KIFAP3: variants seen among roughly 807,000 people sequenced by gnomAD.
KIFAP3 encodes the protein kinesin-associated protein 3.
In KIFAP3, 68 loss-of-function variants were observed where a neutral mutation model predicts 106.5. The ratio of observed to expected loss-of-function variants is 0.64; its 90% CI spans 0.53 to 0.78. The LOEUF is 0.78. Ranked by LOEUF, KIFAP3 falls within the 30% of genes least tolerant of loss-of-function variation. The probability of loss-of-function intolerance (pLI) is 0.00; values close to 1 mark genes in which losing one functional copy is unlikely to be tolerated. For missense variants in KIFAP3, 780 were observed against 941.8 expected (o/e 0.83, Z 2.25); for synonymous variants, 320 against 311.5 (o/e 1.03, Z -0.29).
intron 2 of KIFAP3, among the ~76,000 whole-genome samples, chr1:170,048,572 A>G (rs1188919471): frequency 6.6e-6 from 1 of 151,942 alleles, no homozygotes; most frequent in African/African-American, 2.4e-5. Flanking sequence ...AAACAGCCTC[A>G]GTCTGCAGCT....
intron 16 of KIFAP3, among the ~76,000 whole-genome samples, chr1:169,972,940 C>T (rs553685105): frequency 6.6e-6 from 1 of 151,234 alleles, no homozygotes; most frequent in African/African-American, 2.4e-5. Context: ...ATAAATGCTT[C>T]TTGATCTATC....
intron 19 of KIFAP3, among the ~76,000 whole-genome samples, chr1:169,945,082 C>G (rs961050950): frequency 8.5e-5 from 13 of 152,140 alleles, no homozygotes; most frequent in African/African-American, 3.1e-4. Context: ...TTCAGCACCC[C>G]CTGGCCTCCC....
intron 18 of KIFAP3, among the ~76,000 whole-genome samples, chr1:169,956,929 G>C (rs935216050): frequency 6.6e-6 from 1 of 152,144 alleles, no homozygotes; most frequent in African/African-American, 2.4e-5. Flanking sequence ...CACTGTGGTT[G>C]ATTAAGTAAA....
intron 8 of KIFAP3, among the ~76,000 whole-genome samples, chr1:170,028,996 T>TA (rs1293470991): frequency 4.6e-5 from 7 of 151,912 alleles, no homozygotes; most frequent in African/African-American, 1.2e-4. Context: ...ATGCTGTTCA[T>TA]AAAAAAACAC....
chr1:170,001,008 T>C (rs1571637631), intron 10 of KIFAP3, among the ~76,000 whole-genome samples: 1 of 152,240 alleles, frequency 6.6e-6, no homozygotes, highest in East Asian at 1.9e-4. Flanking sequence ...CTAAACATTG[T>C]TTTTAGAGAT....
At chr1:169,923,825 G>A (rs558965278) in intron 19 of KIFAP3, among the ~76,000 whole-genome samples, 10 of 152,328 alleles carry the variant, frequency 6.6e-5, no homozygotes, top group African/African-American at 2.2e-4. Flanking sequence ...GAGCGTCTCA[G>A]CTACAACGCT....
At position 169,982,000 on chromosome 1, in the gene KIFAP3, T is replaced by G; in HGVS notation, c.1770A>C (p.Ile590=). 1 of 1,613,518 alleles carries G rather than the reference T, an allele frequency of 6.2e-7. No individual in the cohort carries two copies. Residue 590 remains isoleucine (I), a synonymous_variant, in exon 15 of 20, where the codon ATA becomes ATC. Coordinates refer to ENST00000361580, the MANE Select transcript of KIFAP3 (RefSeq NM_014970.4). ...SCAALLAKSG[I]IPALIELLNA... is the part of the protein sequence containing the mutation. ...TTAGCAATTCAATGAGTGCAGGGATTATGCCAGATTTGGCTAGCAATGCAG... is the reference window on the plus strand; with the variant it reads ...TTAGCAATTCAATGAGTGCAGGGATGATGCCAGATTTGGCTAGCAATGCAG...
intron 19 of KIFAP3, among the ~76,000 whole-genome samples, chr1:169,952,227 C>T (rs75661552): frequency 0.014 from 2,096 of 152,020 alleles, 56 homozygotes; most frequent in African/African-American, 0.045. Flanking sequence ...CACTGAACTA[C>T]ACAAAAGGTT....
chr1:169,997,995 T>A (rs867670800), intron 10 of KIFAP3, among the ~76,000 whole-genome samples: 34 of 149,446 alleles, frequency 2.3e-4, no homozygotes, highest in South Asian at 2.1e-4. Flanking sequence ...TAAGAACCCA[T>A]CATCATTCTC....
At chr1:170,009,033 C>A (rs546097500) in intron 10 of KIFAP3, among the ~76,000 whole-genome samples, 122 of 152,252 alleles carry the variant, frequency 8.0e-4, no homozygotes, top group African/African-American at 2.7e-3. Flanking sequence ...AAATCAAACA[C>A]CGCATGTTCT....
At chr1:169,992,591 G>T (rs923540707) in intron 10 of KIFAP3, among the ~76,000 whole-genome samples, 1 of 152,054 alleles carries the variant, frequency 6.6e-6, no homozygotes, top group African/African-American at 2.4e-5. Flanking sequence ...CAAAATATGT[G>T]ATTAATACAT....
chr1:170,084,717 A>G lies in KIFAP3; in HGVS notation n.174+318T>C, dbSNP rs932125048. On this transcript the variant is annotated intron_variant and non_coding_transcript_variant, in intron 1 of 5. Coordinates refer to the KIFAP3 transcript ENST00000490550. ...GTTAAGTAACTGTATGTAGTTTGAG[A>G]CAGAATTAGTTTTGGGTGGAATGGC... 3.9e-5 allele frequency among the ~76,000 whole-genome samples: 6 copies of G among 152,176 alleles called. No homozygotes were observed. In the South Asian group the frequency reaches 6.2e-4, roughly 16 times the overall value.
intron 7 of KIFAP3, 61 bp downstream of exon 7, chr1:170,034,311 A>C: frequency 6.7e-7 from 1 of 1,501,912 alleles, no homozygotes; most frequent in Non-Finnish European, 9.0e-7. Context: ...AAACCATCCC[A>C]CCCATCCAAA....
chr1:169,995,362 TCAAA>T (rs1250571695), intron 10 of KIFAP3, among the ~76,000 whole-genome samples: 1 of 152,144 alleles, frequency 6.6e-6, no homozygotes, highest in East Asian at 1.9e-4. Flanking sequence ...GAAAATCTTT[TCAAA>T]CAGAGTTTTA....
chr1:169,986,724 A>G (rs1666846190), intron 11 of KIFAP3, among the ~76,000 whole-genome samples: 1 of 152,032 alleles, frequency 6.6e-6, no homozygotes, highest in Non-Finnish European at 1.5e-5. Flanking sequence ...AAAACCTACC[A>G]TAGATTTTTT....
At chr1:170,045,264 T>C (rs1226021155) in intron 3 of KIFAP3, among the ~76,000 whole-genome samples, 1 of 152,140 alleles carries the variant, frequency 6.6e-6, no homozygotes, top group Non-Finnish European at 1.5e-5. Flanking sequence ...GTAAAAAATG[T>C]TACTTTCAAC....
intron 7 of KIFAP3, among the ~76,000 whole-genome samples, chr1:170,034,159 T>C (rs941905274): frequency 6.6e-6 from 1 of 151,882 alleles, no homozygotes; most frequent in Non-Finnish European, 1.5e-5. Context: ...CATTAACTAA[T>C]AAAGGTTGTG....
intron 15 of KIFAP3, among the ~76,000 whole-genome samples, chr1:169,979,278 C>G (rs1261869837): frequency 6.6e-6 from 1 of 152,136 alleles, no homozygotes; most frequent in Non-Finnish European, 1.5e-5. Context: ...TACCTCCCAA[C>G]TACTTAGTCT....
At chr1:169,937,396 G>A (rs996654684) in intron 19 of KIFAP3, among the ~76,000 whole-genome samples, 1 of 151,584 alleles carries the variant, frequency 6.6e-6, no homozygotes, top group Non-Finnish European at 1.5e-5. Flanking sequence ...AGTATCTTTT[G>A]GAAAGAGCAG....
Sources: gnomAD v4.1 joint callset for allele counts (sites outside exome capture counted in the v4.1 genomes callset) on GRCh38, gnomAD v4.1.1 for gene constraint, MANE v1.5 for transcripts, NCBI Gene and HGNC (gene_info 2026-07-23, HGNC 2026-07-21) for gene names.